The following CTRC variants were observed in gnomAD, a reference collection of about 807,000 sequenced individuals.
CTRC encodes the protein chymotrypsin-C.
In CTRC, 32 loss-of-function variants were observed where a neutral mutation model predicts 35.7. That is an observed-to-expected ratio of 0.90 (90% confidence interval 0.68 to 1.20). The LOEUF (loss-of-function observed/expected upper bound fraction) is 1.20, where lower values mean the gene tolerates loss of function less well. Among genes scored for constraint, CTRC ranks in the 50% most tolerant of loss-of-function variants. CTRC has a pLI of 0.00. For missense variants in CTRC, 324 were observed against 361.5 expected (o/e 0.90, Z 0.84); for synonymous variants, 119 against 149.5 (o/e 0.80, Z 1.49).
In CTRC at chr1:15,446,662, C is replaced by T. The variant is rs781767195; in HGVS notation, c.*73C>T. 7 of 1,551,672 alleles carry T rather than the reference C, an allele frequency of 4.5e-6. No homozygotes were observed. Among genetic ancestry groups the T allele is most frequent in the Non-Finnish European group, 6.2e-6 (7 of 1,123,076 alleles). ...TTCCTTCTCCTCGGGCCACCTGGAT[C>T]CTTGATTTGTGCAGCTTCTGTTGCT... On this transcript the variant is annotated 3_prime_UTR_variant, in exon 8 of 8. Coordinates refer to ENST00000375949, the MANE Select transcript of CTRC (RefSeq NM_007272.3).
In CTRC at chr1:15,444,664, C is replaced by G. The variant is rs888159659; in HGVS notation, c.552C>G (p.Ala184=). The change falls in exon 6 of 8, where the codon GCC becomes GCG. Residue 184 remains alanine, a synonymous_variant. Transcript: ENST00000375949. ...QQGLQPVVDH[A]TCSRIDWWGF... is the part of the protein sequence containing the mutation. ...GCCTGCAGCCCGTGGTGGATCACGC[C>G]ACGTGCTCCAGGATTGACTGGTGGG... 1.2e-6 allele frequency: 2 copies of G among 1,614,164 alleles called. No homozygotes were observed. The highest frequency in any genetic ancestry group is 4.5e-5 in the East Asian group (2 of 44,876).
In CTRC at chr1:15,448,478, A is replaced by G. The variant is rs1267542378; in HGVS notation, c.*1889A>G. 6.6e-6 allele frequency: 1 copy of G among 151,014 alleles called. No individual in the cohort carries two copies. Among genetic ancestry groups the G allele is most frequent in the Non-Finnish European group, 1.5e-5 (1 of 67,884 alleles). The allele number at this position is 151,014 out of a possible 1,614,324, so 9.4% of individuals were successfully genotyped here. A position where few individuals can be genotyped will look rare whatever the true frequency, so the allele number is the denominator to read the frequency against. On this transcript the variant is annotated 3_prime_UTR_variant, in exon 8 of 8. Transcript: ENST00000375949. ...CTCAGCCTCCTGAGTAGCTGGGACT[A>G]CAGGCGCCAGCCACCATGCCTGGCT...
chr1:15,440,406 G>T lies in CTRC; in HGVS notation c.132+15G>T, dbSNP rs370612719. The T allele has an allele frequency of 6.2e-7, 1 of 1,612,554 alleles. No homozygotes were observed. The highest frequency in any genetic ancestry group is 8.5e-7 in the Non-Finnish European group (1 of 1,179,416). ...GGCCCTGGCAGGTAAGCCTGTGTAG[G>T]GCTGGGAGGTACAGATAGAGAGGGT... On this transcript the variant is annotated intron_variant, in intron 2 of 7. Transcript: ENST00000375949.
chr1:15,439,160 T>C (rs953480628), intron 1 of CTRC, among the ~76,000 whole-genome samples: 1 of 152,022 alleles, frequency 6.6e-6, no homozygotes, highest in African/African-American at 2.4e-5. Flanking sequence ...GCATGGTGGC[T>C]CACGCCTGTA....
At chr1:15,445,483 C>T (rs1295556647) in intron 6 of CTRC, 114 bp from the exon 7 acceptor site, 6 of 1,099,472 alleles carry the variant, frequency 5.5e-6, no homozygotes, top group Non-Finnish European at 4.0e-6. Flanking sequence ...CCAAATCTGT[C>T]CACTAACTAA....
rs1002224359 is a variant in CTRC, at chr1:15,440,511, A to G, written c.151A>G (p.Lys51Glu). The change falls in exon 3 of 8, where the codon AAG becomes GAG. Residue 51 changes from lysine to glutamate, a missense_variant. Physicochemically the swap from Lys to Glu is moderately conservative, Grantham distance 56 (BLOSUM62 1). Transcript: ENST00000375949. ...CCTGCAGATCTCCCTCCAGTACCTC[A>G]AGAACGACACGTGGAGGCATACGTG... Reference protein sequence around the residue: ...WPWQISLQYLKNDTWRHTCGG... With the variant: ...WPWQISLQYLENDTWRHTCGG... 12 of 1,614,184 alleles carry G rather than the reference A, an allele frequency of 7.4e-6. No homozygotes were observed. The highest frequency in any genetic ancestry group is 1.0e-5 in the Non-Finnish European group (12 of 1,180,020).
rs1463498673 is a variant in CTRC, at chr1:15,448,065, T to A, written c.*1476T>A. On this transcript the variant is annotated 3_prime_UTR_variant, in exon 8 of 8. Coordinates refer to ENST00000375949, the MANE Select transcript of CTRC (RefSeq NM_007272.3). ...ATCCAGGATGGCTTCCTGGAGGTGA[T>A]GATGCCCAAGCTTGGTCTTAAAATT... 1 of 152,122 alleles carries A rather than the reference T, an allele frequency of 6.6e-6. No homozygotes were observed. Among genetic ancestry groups the A allele is most frequent in the African/African-American group, 2.4e-5 (1 of 41,402 alleles). 9.4% of individuals were successfully genotyped at this position (152,122 alleles called of 1,614,324 possible). A position where few individuals can be genotyped will look rare whatever the true frequency, so the allele number is the denominator to read the frequency against.
Position 15,445,580 on chromosome 1 carries a change from C to A in CTRC, c.640-17C>A. 1.2e-6 allele frequency: 2 copies of A among 1,613,400 alleles called. No individual in the cohort carries two copies. Among genetic ancestry groups the A allele is most frequent in the Non-Finnish European group, 1.7e-6 (2 of 1,179,372 alleles). ...GGGGGGGGGCCTGGTGGCTTATGCC[C>A]TCCCGGTCTGGTGCAGGGGGACTCC... On this transcript the variant is annotated splice_polypyrimidine_tract_variant and intron_variant, in intron 6 of 7. Coordinates refer to ENST00000375949, the MANE Select transcript of CTRC (RefSeq NM_007272.3).
chr1:15,445,271 C>T (rs1708199558), intron 6 of CTRC, among the ~76,000 whole-genome samples: 1 of 152,182 alleles, frequency 6.6e-6, no homozygotes, highest in Admixed American at 6.5e-5. Context: ...TGCCTGCATC[C>T]TCACTGCTCT....
chr1:15,442,688 GA>G (rs1708154764), intron 4 of CTRC, 116 bp downstream of exon 4: 1 of 1,443,326 alleles, frequency 6.9e-7, no homozygotes, highest in African/African-American at 1.4e-5. Context: ...CCTCACCCTG[GA>G]AAGCCAGCAA....
In CTRC at chr1:15,447,338, A is replaced by G. The variant is rs1370358556; in HGVS notation, c.*749A>G. 6.5e-6 allele frequency: 1 copy of G among 154,762 alleles called. No individual in the cohort carries two copies. Among genetic ancestry groups the G allele is most frequent in the East Asian group, 1.9e-4 (1 of 5,212 alleles). The allele number at this position is 154,762 out of a possible 1,614,324, so 9.6% of individuals were successfully genotyped here. ...TTGAAGAAGGCAATGGTTTCCACAC[A>G]GAATCACAGTGGTCAGAGCTGGATA... On this transcript the variant is annotated 3_prime_UTR_variant, in exon 8 of 8. Transcript: ENST00000375949.
chr1:15,443,560 G>A lies in CTRC; in HGVS notation c.493+5G>A. 1.2e-6 allele frequency: 2 copies of A among 1,614,200 alleles called. No homozygotes were observed. The highest frequency in any genetic ancestry group is 1.7e-6 in the Non-Finnish European group (2 of 1,180,048). On this transcript the variant is annotated splice_donor_5th_base_variant and intron_variant, in intron 5 of 7. Transcript: ENST00000375949. ...CCGGCTGGGGCCGCCTCTGGAGTGA[G>A]TATCGTCCCTGGCAAATCCTGAGAG...
Position 15,440,345 on chromosome 1 carries a change from G to C in CTRC, c.86G>C (p.Arg29Pro), listed in dbSNP as rs772024986. 2 of 1,596,076 alleles carry C rather than the reference G, an allele frequency of 1.3e-6. No homozygotes were observed. The highest frequency in any genetic ancestry group is 4.6e-5 in the East Asian group (2 of 43,724). The change falls in exon 2 of 8, where the codon CGA becomes CCA. Residue 29 changes from arginine to proline, a missense_variant. Transcript: ENST00000375949. ...AGCTTCCCGCCCAACCTATCCGCCC[G>C]AGTGGTGGGAGGAGAGGATGCCCGG... ...VPSFPPNLSA[R>P]VVGGEDARPH...
chr1:15,444,073 T>G (rs150102207), intron 5 of CTRC, among the ~76,000 whole-genome samples: 1,801 of 151,892 alleles, frequency 0.012, 35 homozygotes, highest in African/African-American at 0.04. Flanking sequence ...GGCAACATAG[T>G]GAGACCCTGC....
intron 7 of CTRC, 138 bp downstream of exon 7, chr1:15,445,887 C>T (rs1708211807): frequency 9.8e-7 from 1 of 1,017,462 alleles, no homozygotes; most frequent in African/African-American, 1.6e-5. Flanking sequence ...TTCACTCATT[C>T]ATGCATTCAT....
At chr1:15,439,599 T>A (rs1036045338) in intron 1 of CTRC, among the ~76,000 whole-genome samples, 1 of 152,080 alleles carries the variant, frequency 6.6e-6, no homozygotes, top group Non-Finnish European at 1.5e-5. Context: ...CAGCACGTGT[T>A]CTTGACCGCT....
chr1:15,440,600 G>T lies in CTRC; in HGVS notation c.230+10G>T. The T allele has an allele frequency of 6.2e-7, 1 of 1,613,112 alleles. No individual in the cohort carries two copies. The highest frequency in any genetic ancestry group is 1.3e-5 in the African/African-American group (1 of 75,036). ...CCGCCCACTGCATCAGGTGTGCGGG[G>T]ATGATACCCTGAGACCTGGCCATCG... On this transcript the variant is annotated intron_variant, in intron 3 of 7. Coordinates refer to ENST00000375949, the MANE Select transcript of CTRC (RefSeq NM_007272.3).
intron 5 of CTRC, among the ~76,000 whole-genome samples, chr1:15,444,182 A>G (rs952631561): frequency 6.6e-6 from 1 of 152,042 alleles, no homozygotes. Context: ...ATTTGAGCCC[A>G]GGGGTTTGAG....
intron 5 of CTRC, among the ~76,000 whole-genome samples, chr1:15,444,089 CA>C (rs996385537): frequency 7.4e-5 from 11 of 148,908 alleles, no homozygotes; most frequent in South Asian, 4.2e-4. Context: ...CCTGCCTCTA[CA>C]AAAAAAAAAT....
Sources: gnomAD v4.1 joint callset for allele counts (sites outside exome capture counted in the v4.1 genomes callset) on GRCh38, gnomAD v4.1.1 for gene constraint, MANE v1.5 for transcripts, NCBI Gene and HGNC (gene_info 2026-07-23, HGNC 2026-07-21) for gene names.